The following SOS2 variants were observed in gnomAD, a reference collection of about 807,000 sequenced individuals.
The protein encoded by SOS2 is SOS Ras/Rho guanine nucleotide exchange factor 2, also known as son of sevenless homolog 2.
A neutral mutation model predicts 148.2 loss-of-function variants in SOS2; 65 were observed. The observed-to-expected ratio is 0.44, with a 90% confidence interval of 0.36 to 0.54. The LOEUF (loss-of-function observed/expected upper bound fraction) is 0.54. Ranked by LOEUF, SOS2 falls within the 20% of genes least tolerant of loss-of-function variation. The pLI is 0.00. For missense variants in SOS2, 1,341 were observed against 1,590.2 expected (o/e 0.84, Z 2.67); for synonymous variants, 539 against 537.1 (o/e 1.00, Z -0.05).
chr14:50,203,363 A>G (rs940749224), intron 2 of SOS2, among the ~76,000 whole-genome samples: 1 of 152,102 alleles, frequency 6.6e-6, no homozygotes, highest in African/African-American at 2.4e-5. Flanking sequence ...GTGAGACTCC[A>G]TCTCAAAAAA....
intron 2 of SOS2, among the ~76,000 whole-genome samples, chr14:50,202,820 C>G (rs1886537362): frequency 6.6e-6 from 1 of 152,028 alleles, no homozygotes; most frequent in Non-Finnish European, 1.5e-5. Context: ...CCTGGAAAAT[C>G]TTAATAGCTC....
chr14:50,192,288 G>A (rs556129149), intron 4 of SOS2, among the ~76,000 whole-genome samples: 1 of 152,208 alleles, frequency 6.6e-6, no homozygotes, highest in African/African-American at 2.4e-5. Flanking sequence ...GGCATGGGTG[G>A]CTCACGCCTA....
intron 10 of SOS2, 31 bp from the exon 11 acceptor site, chr14:50,158,677 T>G: frequency 7.3e-7 from 1 of 1,379,114 alleles, no homozygotes. Context: ...ATAGGTTTCA[T>G]GTTTAATGTA....
At chr14:50,193,918 GTAT>G (rs1254849409) in intron 4 of SOS2, among the ~76,000 whole-genome samples, 3 of 151,924 alleles carry the variant, frequency 2.0e-5, no homozygotes, top group Non-Finnish European at 2.9e-5. Flanking sequence ...ACGATTTTTT[GTAT>G]TTTAGTAGAG....
At chr14:50,191,866 A>C (rs1331921222) in intron 4 of SOS2, among the ~76,000 whole-genome samples, 3 of 152,112 alleles carry the variant, frequency 2.0e-5, no homozygotes, top group Non-Finnish European at 4.4e-5. Flanking sequence ...ATAATTCAAA[A>C]ATTTAAAAAA....
intron 4 of SOS2, among the ~76,000 whole-genome samples, chr14:50,194,502 G>C (rs1461785464): frequency 6.9e-6 from 1 of 144,648 alleles, no homozygotes; most frequent in East Asian, 2.1e-4. Flanking sequence ...TTGGCTGGGC[G>C]CGGGGGCTTA....
At chr14:50,138,080 G>A (rs1030388982) in intron 18 of SOS2, among the ~76,000 whole-genome samples, 1 of 151,724 alleles carries the variant, frequency 6.6e-6, no homozygotes. Context: ...ACCTCAAGTG[G>A]TCCTCCCGCC....
At chr14:50,162,931 C>G (rs1695678766) in intron 8 of SOS2, among the ~76,000 whole-genome samples, 1 of 143,354 alleles carries the variant, frequency 7.0e-6, no homozygotes, top group African/African-American at 2.6e-5. Context: ...GGGTCTCACT[C>G]TGTCACCCAA....
At chr14:50,207,524 A>G (rs1326508772) in intron 1 of SOS2, among the ~76,000 whole-genome samples, 1 of 152,030 alleles carries the variant, frequency 6.6e-6, no homozygotes, top group Non-Finnish European at 1.5e-5. Flanking sequence ...AAGAAAACAA[A>G]ATTATAGGCC....
rs1355027849 is a variant in SOS2, at chr14:50,125,168, T to C, written c.3380-4784A>G. On this transcript the variant is annotated intron_variant, in intron 21 of 22. Coordinates refer to ENST00000216373, the MANE Select transcript of SOS2 (RefSeq NM_006939.4). ...CAATATGACATGACCAGTGTCTTTA[T>C]AAGAAGAGGAGAAGAAATAAAGAAA... Among the ~76,000 whole-genome samples, 13 of 152,294 alleles carry C rather than the reference T, an allele frequency of 8.5e-5. No homozygotes were observed. In the East Asian group the frequency reaches 2.5e-3, roughly 29 times the overall value.
chr14:50,197,328 C>A (rs757867513), intron 4 of SOS2, among the ~76,000 whole-genome samples: 1 of 152,128 alleles, frequency 6.6e-6, no homozygotes, highest in Non-Finnish European at 1.5e-5. Context: ...GATGAAAAGC[C>A]TGGCAGATAA....
intron 8 of SOS2, among the ~76,000 whole-genome samples, chr14:50,170,739 A>G (rs943578592): frequency 6.6e-6 from 1 of 151,904 alleles, no homozygotes; most frequent in African/African-American, 2.4e-5. Flanking sequence ...ACTCAACATT[A>G]CTAGTCATTA....
At chr14:50,206,244 TCTCTA>T (rs1886655938) in intron 1 of SOS2, among the ~76,000 whole-genome samples, 1 of 152,242 alleles carries the variant, frequency 6.6e-6, no homozygotes, top group Non-Finnish European at 1.5e-5. Flanking sequence ...ATGTATGTTT[TCTCTA>T]AAACTACTTT....
At chr14:50,161,906 A>G (rs2139637696) in intron 8 of SOS2, among the ~76,000 whole-genome samples, 1 of 151,016 alleles carries the variant, frequency 6.6e-6, no homozygotes, top group East Asian at 1.9e-4. Context: ...GAATGCCACC[A>G]CACCCAGCTA....
chr14:50,167,405 T>C (rs1007607349), intron 8 of SOS2, among the ~76,000 whole-genome samples: 1 of 152,040 alleles, frequency 6.6e-6, no homozygotes, highest in African/African-American at 2.4e-5. Context: ...TATGGTGGCA[T>C]GCTCTTGTAG....
At position 50,192,594 on chromosome 14, in the gene SOS2, T is replaced by C. The variant is rs563140041; in HGVS notation, c.511-3894A>G. 5.9e-5 allele frequency among the ~76,000 whole-genome samples: 9 copies of C among 151,348 alleles called. No individual in the cohort carries two copies. The South Asian group carries it at 1.0e-3, about 18-fold the overall frequency. ...AAACAAAAACAAAGGCCAGGCGCAGTAGCTCATGCCTGTAATCCTAGCACT... is the reference window on the plus strand; with the variant it reads ...AAACAAAAACAAAGGCCAGGCGCAGCAGCTCATGCCTGTAATCCTAGCACT... On this transcript the variant is annotated intron_variant, in intron 4 of 22. Transcript: ENST00000216373.
At chr14:50,158,771 T>G (rs1193235033) in intron 10 of SOS2, 125 bp from the exon 11 acceptor site, 1 of 633,368 alleles carries the variant, frequency 1.6e-6, no homozygotes, top group Non-Finnish European at 2.8e-6. Flanking sequence ...TTGTGGCTTT[T>G]CCTAACAATC....
At chr14:50,163,719 G>A (rs1885082983) in intron 8 of SOS2, among the ~76,000 whole-genome samples, 2 of 152,150 alleles carry the variant, frequency 1.3e-5, no homozygotes, top group African/African-American at 4.8e-5. Flanking sequence ...AGTCTTCTCA[G>A]CTCCACTCTA....
intron 2 of SOS2, among the ~76,000 whole-genome samples, chr14:50,202,929 G>A (rs904861741): frequency 7.9e-5 from 12 of 152,158 alleles, no homozygotes; most frequent in Non-Finnish European, 2.9e-5. Flanking sequence ...GCTGAGGAGG[G>A]AGGATCACTG....
Sources: gnomAD v4.1 joint callset for allele counts (sites outside exome capture counted in the v4.1 genomes callset) on GRCh38, gnomAD v4.1.1 for gene constraint, MANE v1.5 for transcripts, NCBI Gene and HGNC (gene_info 2026-07-23, HGNC 2026-07-21) for gene names.